Variants in CNTNAP2 observed in about 807,000 individuals in gnomAD.
CNTNAP2 encodes the protein contactin associated protein 2.
CNTNAP2 carries 98 observed loss-of-function variants against 155.2 expected under a neutral mutation model. That is an observed-to-expected ratio of 0.63 (90% confidence interval 0.54 to 0.75). CNTNAP2 has a LOEUF of 0.75. Ranked by LOEUF, CNTNAP2 falls within the 30% of genes least tolerant of loss-of-function variation. CNTNAP2 has a pLI of 0.00. For missense variants in CNTNAP2, 1,727 were observed against 1,688.1 expected, an observed-to-expected ratio of 1.02 and a Z score of -0.40; for synonymous variants, 651 against 631.2, an observed-to-expected ratio of 1.03 and a Z score of -0.47.
chr7:147,888,365 C>A (rs139565770), intron 13 of CNTNAP2, among the ~76,000 whole-genome samples: 282 of 152,136 alleles, frequency 1.9e-3, no homozygotes, highest in African/African-American at 6.5e-3. Context: ...AAAGTAGGAA[C>A]AATGAAATTA....
At chr7:147,504,705 A>T (rs1798877195) in intron 11 of CNTNAP2, among the ~76,000 whole-genome samples, 2 of 150,828 alleles carry the variant, frequency 1.3e-5, no homozygotes, top group Non-Finnish European at 1.5e-5. Context: ...AAAAAAACAA[A>T]AAACCTCTGA....
intron 15 of CNTNAP2, among the ~76,000 whole-genome samples, chr7:148,076,940 G>A (rs1422793675): frequency 6.6e-6 from 1 of 152,098 alleles, no homozygotes; most frequent in Non-Finnish European, 1.5e-5. Flanking sequence ...TGTATGCATG[G>A]GGTAGACTGG....
intron 3 of CNTNAP2, among the ~76,000 whole-genome samples, chr7:146,907,739 C>A (rs1237672017): frequency 6.7e-6 from 1 of 150,358 alleles, no homozygotes; most frequent in South Asian, 2.2e-4. Flanking sequence ...GAAACTGCAT[C>A]AACTAATGAG....
chr7:146,496,346 A>G (rs995772600), intron 1 of CNTNAP2, among the ~76,000 whole-genome samples: 1 of 152,208 alleles, frequency 6.6e-6, no homozygotes, highest in African/African-American at 2.4e-5. Context: ...TACTTCGTCA[A>G]TTCCTTGAGT....
chr7:146,222,284 T>C (rs1034348213), intron 1 of CNTNAP2, among the ~76,000 whole-genome samples: 3 of 152,158 alleles, frequency 2.0e-5, no homozygotes, highest in African/African-American at 7.2e-5. Context: ...ACTTTGTACA[T>C]TTCTGTAAAC....
chr7:147,344,788 C>CT (rs992491363), intron 9 of CNTNAP2, among the ~76,000 whole-genome samples: 1 of 151,940 alleles, frequency 6.6e-6, no homozygotes, highest in African/African-American at 2.4e-5. Context: ...AAATTAGGGA[C>CT]TTTTTTTAAT....
chr7:147,335,701 G>A (rs761680730), intron 9 of CNTNAP2, among the ~76,000 whole-genome samples: 24 of 152,164 alleles, frequency 1.6e-4, no homozygotes, highest in Admixed American at 3.9e-4. Context: ...ATTTTTCTTC[G>A]TGATACTTAT....
chr7:146,911,399 A>T (rs1562998226), intron 3 of CNTNAP2, among the ~76,000 whole-genome samples: 2 of 152,104 alleles, frequency 1.3e-5, no homozygotes, highest in Non-Finnish European at 2.9e-5. Context: ...AAGACTTGGA[A>T]CCAACCCAAA....
chr7:146,921,324 A>G (rs1306235694), intron 3 of CNTNAP2, among the ~76,000 whole-genome samples: 1 of 152,196 alleles, frequency 6.6e-6, no homozygotes, highest in African/African-American at 2.4e-5. Context: ...ATGTCCTGAG[A>G]ACAGGATATA....
chr7:148,372,430 G>C (rs1437952055), intron 21 of CNTNAP2, among the ~76,000 whole-genome samples: 2 of 152,170 alleles, frequency 1.3e-5, no homozygotes, highest in East Asian at 3.9e-4. Flanking sequence ...TTAACCAGCT[G>C]GGTGCAGTGG....
chr7:146,915,340 T>G (rs1035351483), intron 3 of CNTNAP2, among the ~76,000 whole-genome samples: 18 of 152,128 alleles, frequency 1.2e-4, no homozygotes, highest in Admixed American at 2.0e-4. Context: ...TTCTTCTAGT[T>G]TTCTGAGGAA....
At chr7:146,636,380 T>TAC (rs142333385) in intron 1 of CNTNAP2, among the ~76,000 whole-genome samples, 5,263 of 152,228 alleles carry the variant, frequency 0.035, 309 homozygotes, top group African/African-American at 0.12. Flanking sequence ...CAGATAAACA[T>TAC]ACACACACAT....
intron 1 of CNTNAP2, among the ~76,000 whole-genome samples, chr7:146,294,311 C>T (rs1800478389): frequency 6.6e-6 from 1 of 152,184 alleles, no homozygotes; most frequent in African/African-American, 2.4e-5. Flanking sequence ...AGAGCCTACC[C>T]AGCCGGACTG....
intron 1 of CNTNAP2, among the ~76,000 whole-genome samples, chr7:146,573,748 C>A (rs1288455689): frequency 1.3e-5 from 2 of 152,060 alleles, no homozygotes; most frequent in Admixed American, 6.6e-5. Flanking sequence ...CCTTTAGTGT[C>A]AAATTTTTTG....
chr7:146,646,531 C>G (rs796782208), intron 1 of CNTNAP2, among the ~76,000 whole-genome samples: 7 of 152,152 alleles, frequency 4.6e-5, no homozygotes, highest in African/African-American at 1.7e-4. Context: ...TATATATACA[C>G]ACAGTAGTTA....
At chr7:147,024,325 C>CAA (rs376450566) in intron 3 of CNTNAP2, among the ~76,000 whole-genome samples, 4 of 150,378 alleles carry the variant, frequency 2.7e-5, no homozygotes, top group Admixed American at 6.6e-5. Context: ...CTGTTTATAA[C>CAA]AAAAAAAAAG....
At chr7:147,067,554 A>G (rs1799806143) in intron 4 of CNTNAP2, among the ~76,000 whole-genome samples, 1 of 152,176 alleles carries the variant, frequency 6.6e-6, no homozygotes, top group Non-Finnish European at 1.5e-5. Flanking sequence ...ACAATGTAGC[A>G]GTGACTAATC....
chr7:146,483,302 T>TATATATATATATATATATATATATAC (rs1797000846), intron 1 of CNTNAP2, among the ~76,000 whole-genome samples: 1 of 74,342 alleles, frequency 1.3e-5, no homozygotes. Context: ...TATATATATA[T>TATATATATATATATATATATATATAC]ATATATATAT....
chr7:146,767,342 A>G (rs1192265782), intron 1 of CNTNAP2, among the ~76,000 whole-genome samples: 1 of 152,334 alleles, frequency 6.6e-6, no homozygotes, highest in East Asian at 1.9e-4. Context: ...AATTTCTATG[A>G]TAGATCAGTA....
Sources: gnomAD v4.1 joint callset for allele counts (sites outside exome capture counted in the v4.1 genomes callset) on GRCh38, gnomAD v4.1.1 for gene constraint, MANE v1.5 for transcripts, NCBI Gene and HGNC (gene_info 2026-07-23, HGNC 2026-07-21) for gene names.